The following SYT7 variants were observed in gnomAD, a reference collection of about 807,000 sequenced individuals.
The protein encoded by SYT7 is synaptotagmin-7.
SYT7 carries 29 observed loss-of-function variants against 75.1 expected under a neutral mutation model. That is an observed-to-expected ratio of 0.39 (90% CI 0.29 to 0.53). SYT7 has a LOEUF of 0.53. Ranked by LOEUF, SYT7 falls within the 20% of genes least tolerant of loss-of-function variation. The pLI is 0.77. For missense variants in SYT7, 693 were observed against 953.2 expected, an observed-to-expected ratio of 0.73 and a Z score of 3.59; for synonymous variants, 376 against 401.7, an observed-to-expected ratio of 0.94 and a Z score of 0.76.
chr11:61,557,981 G>A lies in SYT7; in HGVS notation c.32-1774C>T, dbSNP rs896305742. On this transcript the variant is annotated intron_variant, in intron 1 of 12. Coordinates refer to ENST00000539008, the MANE Select transcript of SYT7 (RefSeq NM_001365809.2). ...CTCCAGGGAAGGGATGGGCAAAGGC[G>A]CTTTCTGGACATGAGATCTGTTTCC... Among the ~76,000 whole-genome samples, 9 of 152,234 alleles carry A rather than the reference G, an allele frequency of 5.9e-5. No homozygotes were observed. In the East Asian group the frequency reaches 1.2e-3, roughly 20 times the overall value.
upstream of SYT7, among the ~76,000 whole-genome samples, chr11:61,583,149 C>T (rs377278270): frequency 2.0e-4 from 31 of 152,108 alleles, no homozygotes; most frequent in African/African-American, 7.0e-4. Flanking sequence ...ATGGCTTAAA[C>T]CCAGTAGTTT....
At chr11:61,555,961 G>A (rs2063490680) in intron 2 of SYT7, 143 bp downstream of exon 2, 1 of 691,672 alleles carries the variant, frequency 1.4e-6, no homozygotes. Flanking sequence ...TTCTATGGAA[G>A]TGCCCCTGAC....
Position 61,575,705 on chromosome 11 carries a change from C to T in SYT7, c.31+5085G>A, listed in dbSNP as rs116225912. ...GCCAGGTACAGGGCCGGGGGAGGGGCCCTCCCCTAAAGCTTTCCGTCATAG... is the reference window on the plus strand; with the variant it reads ...GCCAGGTACAGGGCCGGGGGAGGGGTCCTCCCCTAAAGCTTTCCGTCATAG... On this transcript the variant is annotated intron_variant, in intron 1 of 12. Transcript: ENST00000539008. Among the ~76,000 whole-genome samples, 381 of 152,270 alleles carry T rather than the reference C, an allele frequency of 2.5e-3. 2 individuals are homozygous for T. Among genetic ancestry groups the T allele is most frequent in the African/African-American group, 8.9e-3 (368 of 41,546 alleles).
chr11:61,542,037 C>A lies in SYT7; in HGVS notation c.941+174G>T, dbSNP rs944184051. On this transcript the variant is annotated intron_variant, in intron 6 of 12. Coordinates refer to ENST00000539008, the MANE Select transcript of SYT7 (RefSeq NM_001365809.2). This position sits in a 1 kb window ranked among gnomAD's most constrained non-coding sequence, Gnocchi z 7.8. ...GTGGCTGAGAATTCTTCCGTGGTGGCCTTCAGGCAGGAGCCACAAGAGGCT... is the reference window on the plus strand; with the variant it reads ...GTGGCTGAGAATTCTTCCGTGGTGGACTTCAGGCAGGAGCCACAAGAGGCT... Among the ~76,000 whole-genome samples, 1 of 152,072 alleles carries A rather than the reference C, an allele frequency of 6.6e-6. No homozygotes were observed. Among genetic ancestry groups the A allele is most frequent in the Non-Finnish European group, 1.5e-5 (1 of 68,002 alleles).
rs1477710353 is a variant in SYT7, at chr11:61,518,734, G to A, written c.1957-3C>T. The stretch of plus-strand genomic sequence containing the variant: ...CCGCTCTTCCAGGACAGGTAGATCT[G>A]GGGAGAAAGGGGAGACGATGGCATC... On this transcript the variant is annotated splice_region_variant and splice_polypyrimidine_tract_variant and intron_variant, in intron 12 of 12. Coordinates refer to ENST00000539008, the MANE Select transcript of SYT7 (RefSeq NM_001365809.2). 7.8e-6 allele frequency: 12 copies of A among 1,531,252 alleles called. No individual in the cohort carries two copies. The highest frequency in any genetic ancestry group is 1.1e-5 in the Non-Finnish European group (12 of 1,133,288). 94.9% of individuals were successfully genotyped at this position (1,531,252 alleles called of 1,614,324 possible).
chr11:61,569,824 G>T (rs2063872332), intron 1 of SYT7, among the ~76,000 whole-genome samples: 1 of 152,188 alleles, frequency 6.6e-6, no homozygotes, highest in Non-Finnish European at 1.5e-5. Context: ...GCCCCAAGAA[G>T]GGCTTTCTCT....
chr11:61,523,684 AGGGTAAGGAGT>A lies in SYT7; in HGVS notation c.1756+132_1756+142del. 7.1e-6 allele frequency: 6 copies of A among 848,548 alleles called. No individual in the cohort carries two copies. Among genetic ancestry groups the A allele is most frequent in the Non-Finnish European group, 1.1e-5 (6 of 530,158 alleles). The allele number at this position is 848,548 out of a possible 1,614,324, so 52.6% of individuals were successfully genotyped here. A position where few individuals can be genotyped will look rare whatever the true frequency, so the allele number is the denominator to read the frequency against. On this transcript the variant is annotated intron_variant, in intron 11 of 12. Transcript: ENST00000539008. This position sits in a 1 kb window ranked among gnomAD's most constrained non-coding sequence, Gnocchi z 5.0. ...TCCAAAGGGGGGCCCCAGGGTCTCT[AGGGTAAGGAGT>A]GAGGACTGGAGGTCGGGGTGTGGCG... is the stretch of plus-strand genomic sequence containing the variant.
chr11:61,560,602 T>G (rs1399131215), intron 1 of SYT7, among the ~76,000 whole-genome samples: 1 of 152,090 alleles, frequency 6.6e-6, no homozygotes, highest in African/African-American at 2.4e-5. Flanking sequence ...TGCATTGATG[T>G]TGTGAATAAT....
At chr11:61,528,781 T>C (rs182653852) in intron 8 of SYT7, among the ~76,000 whole-genome samples, 1 of 152,152 alleles carries the variant, frequency 6.6e-6, no homozygotes, top group Non-Finnish European at 1.5e-5. Flanking sequence ...GACAAGAAAA[T>C]TGCAGACTCC....
intron 1 of SYT7, among the ~76,000 whole-genome samples, chr11:61,570,522 G>A (rs2063894203): frequency 6.6e-6 from 1 of 152,152 alleles, no homozygotes; most frequent in African/African-American, 2.4e-5. Context: ...TTCCATTATA[G>A]GGAAAAAACT....
At chr11:61,561,446 C>T (rs928433870) in intron 1 of SYT7, among the ~76,000 whole-genome samples, 2 of 152,194 alleles carry the variant, frequency 1.3e-5, no homozygotes, top group Non-Finnish European at 2.9e-5. Context: ...TAACTGAGTC[C>T]TGTGTGCTTT....
chr11:61,547,376 C>T (rs566679330), intron 3 of SYT7, 68 bp from the exon 4 acceptor site: 248 of 1,518,138 alleles, frequency 1.6e-4, no homozygotes, highest in Middle Eastern at 9.0e-4. Flanking sequence ...GCAAGTCCTG[C>T]GGGGGCAGAA....
chr11:61,565,188 C>G (rs1052858227), intron 1 of SYT7, among the ~76,000 whole-genome samples: 1 of 152,186 alleles, frequency 6.6e-6, no homozygotes, highest in African/African-American at 2.4e-5. Flanking sequence ...AGGTGGGAAA[C>G]AGTGAAAGCT....
At chr11:61,585,260 A>C (rs1301298772), upstream of SYT7, among the ~76,000 whole-genome samples, 4 of 146,162 alleles carry the variant, frequency 2.7e-5, no homozygotes, top group South Asian at 2.2e-4. Context: ...CCCTACCCCC[A>C]CCCCCTTGGC....
intron 2 of SYT7, among the ~76,000 whole-genome samples, chr11:61,554,004 G>A (rs2063422985): frequency 6.6e-6 from 1 of 152,076 alleles, no homozygotes; most frequent in African/African-American, 2.4e-5. Flanking sequence ...GGGGACTGGG[G>A]AGAGTAGCAT....
chr11:61,579,060 G>A (rs963237599), intron 1 of SYT7, among the ~76,000 whole-genome samples: 1 of 152,222 alleles, frequency 6.6e-6, no homozygotes, highest in Non-Finnish European at 1.5e-5. Flanking sequence ...ATGTCATGGT[G>A]CCCAGGCATG....
Position 61,576,093 on chromosome 11 carries a change from G to A in SYT7, c.31+4697C>T, listed in dbSNP as rs1215776666. ...CAACCAACTGGACCTGGAATTCCAGGCCAAAGCTCTGGGCACAGTCCAGCC... is the reference window on the plus strand; with the variant it reads ...CAACCAACTGGACCTGGAATTCCAGACCAAAGCTCTGGGCACAGTCCAGCC... On this transcript the variant is annotated intron_variant, in intron 1 of 12. Transcript: ENST00000539008. The surrounding 1 kb of genome is among the most constrained non-coding windows in gnomAD (Gnocchi z 4.1). Among the ~76,000 whole-genome samples the A allele has an allele frequency of 6.6e-6, 1 of 152,184 alleles. No individual in the cohort carries two copies. The highest frequency in any genetic ancestry group is 1.5e-5 in the Non-Finnish European group (1 of 68,030).
intron 1 of SYT7, among the ~76,000 whole-genome samples, chr11:61,579,517 G>T (rs1362497010): frequency 6.6e-6 from 1 of 152,098 alleles, no homozygotes; most frequent in East Asian, 1.9e-4. Flanking sequence ...AATATCGACT[G>T]GACTGAAAAG....
At chr11:61,577,507 C>G (rs533494177) in intron 1 of SYT7, among the ~76,000 whole-genome samples, 7 of 152,230 alleles carry the variant, frequency 4.6e-5, no homozygotes, top group South Asian at 2.1e-4. Context: ...TTGATCTGCC[C>G]TTTCAGCCAC....
Sources: allele counts gnomAD v4.1 joint callset (sites outside exome capture counted in the v4.1 genomes callset), GRCh38; gene constraint gnomAD v4.1.1; non-coding constraint Gnocchi (gnomAD v3.1); transcripts MANE v1.5; gene names NCBI Gene and HGNC (gene_info 2026-07-23, HGNC 2026-07-21).